LMO7: variants seen among roughly 807,000 people sequenced by gnomAD.
The protein encoded by LMO7 is LIM domain only protein 7.
A neutral mutation model predicts 206.5 loss-of-function variants in LMO7; 120 were observed. The ratio of observed to expected loss-of-function variants is 0.58; its 90% CI spans 0.50 to 0.68. The LOEUF (loss-of-function observed/expected upper bound fraction) is 0.68, where lower values mean the gene tolerates loss of function less well. Ranked by LOEUF, LMO7 falls within the 30% of genes least tolerant of loss-of-function variation. LMO7 has a pLI of 0.00. For synonymous variants in LMO7, 706 were observed against 681.5 expected, an observed-to-expected ratio of 1.04 and a Z score of -0.56; for missense variants, 1,959 against 1,957.9, an observed-to-expected ratio of 1.00 and a Z score of -0.01.
At chr13:75,852,299 G>C (rs1480937284) in intron 27 of LMO7, among the ~76,000 whole-genome samples, 1 of 152,164 alleles carries the variant, frequency 6.6e-6, no homozygotes, top group Non-Finnish European at 1.5e-5. Context: ...AGTACATATG[G>C]ATACAACGAA....
intron 25 of LMO7, 142 bp downstream of exon 25, chr13:75,843,058 A>G (rs1057381630): frequency 6.3e-6 from 4 of 637,788 alleles, no homozygotes; most frequent in African/African-American, 1.8e-5. Flanking sequence ...TGATCTTTGT[A>G]TCAGTTAGCT....
chr13:75,740,139 A>C (rs1023521272), intron 3 of LMO7, among the ~76,000 whole-genome samples: 1 of 152,248 alleles, frequency 6.6e-6, no homozygotes, highest in Non-Finnish European at 1.5e-5. Flanking sequence ...GATGAGTTAC[A>C]GGAATAAGCA....
At chr13:75,796,393 G>A (rs886928703) in intron 5 of LMO7, among the ~76,000 whole-genome samples, 7 of 152,140 alleles carry the variant, frequency 4.6e-5, no homozygotes, top group Non-Finnish European at 1.0e-4. Flanking sequence ...TAGAGTATAT[G>A]AATGACTACC....
Position 75,804,273 on chromosome 13 carries a change from T to C in LMO7, c.662-16T>C, listed in dbSNP as rs1159690203. On this transcript the variant is annotated splice_polypyrimidine_tract_variant and intron_variant, in intron 7 of 30. Coordinates refer to ENST00000377534, the MANE Select transcript of LMO7 (RefSeq NM_001306080.2). ...TAATCTGGAGAGTAAAGCAAATTCTTGTGCCTTCTTTATAGGTTTTGAAAG... is the reference window on the plus strand; with the variant it reads ...TAATCTGGAGAGTAAAGCAAATTCTCGTGCCTTCTTTATAGGTTTTGAAAG... The C allele has an allele frequency of 1.2e-6, 2 of 1,606,014 alleles. No individual in the cohort carries two copies. Among genetic ancestry groups the C allele is most frequent in the South Asian group, 1.1e-5 (1 of 90,602 alleles).
chr13:75,728,469 T>C (rs528691432), intron 3 of LMO7, among the ~76,000 whole-genome samples: 6,159 of 115,438 alleles, frequency 0.053, 434 homozygotes, highest in African/African-American at 0.21. Flanking sequence ...TTTGATGGGG[T>C]TGTTTGTTTT....
chr13:75,703,678 G>A (rs1594383864), intron 1 of LMO7, among the ~76,000 whole-genome samples: 1 of 152,032 alleles, frequency 6.6e-6, no homozygotes, highest in Non-Finnish European at 1.5e-5. Flanking sequence ...CAAGGAGTCT[G>A]GTACTTCCAT....
chr13:75,690,630 C>G (rs1028303663), intron 1 of LMO7, among the ~76,000 whole-genome samples: 1 of 152,202 alleles, frequency 6.6e-6, no homozygotes, highest in Non-Finnish European at 1.5e-5. Context: ...ACTCAACTCT[C>G]TCTCTCTACT....
chr13:75,671,935 C>T (rs2039619513), intron 1 of LMO7, among the ~76,000 whole-genome samples: 1 of 152,044 alleles, frequency 6.6e-6, no homozygotes, highest in Non-Finnish European at 1.5e-5. Context: ...TAAAAAAAAT[C>T]TTCAGAGGGC....
chr13:75,774,345 T>C (rs1221789008), intron 4 of LMO7, among the ~76,000 whole-genome samples: 2 of 152,120 alleles, frequency 1.3e-5, no homozygotes, highest in South Asian at 4.1e-4. Context: ...ATTTGCCTAC[T>C]TTTTTGAAAT....
At chr13:75,799,453 C>T (rs2054463236) in intron 6 of LMO7, among the ~76,000 whole-genome samples, 1 of 152,124 alleles carries the variant, frequency 6.6e-6, no homozygotes, top group African/African-American at 2.4e-5. Context: ...ATTTCTCCCC[C>T]AAATACTCAG....
At chr13:75,712,860 G>T (rs1239954170) in intron 1 of LMO7, among the ~76,000 whole-genome samples, 4 of 151,988 alleles carry the variant, frequency 2.6e-5, no homozygotes, top group Non-Finnish European at 4.4e-5. Context: ...TCACCCATAG[G>T]TTTTTAAAAA....
chr13:75,683,600 T>G (rs2040737087), intron 1 of LMO7, among the ~76,000 whole-genome samples: 1 of 152,200 alleles, frequency 6.6e-6, no homozygotes, highest in Non-Finnish European at 1.5e-5. Flanking sequence ...CAATATGAAG[T>G]GTGAACCCAA....
In LMO7 at chr13:75,735,229, T is replaced by A. The variant is rs114011889; in HGVS notation, c.210+8131T>A. 4.8e-3 allele frequency among the ~76,000 whole-genome samples: 730 copies of A among 152,140 alleles called. 7 individuals carry two copies. The highest frequency in any genetic ancestry group is 0.017 in the African/African-American group (689 of 41,468). ...ACTTCTCTAAAAATCATTCTCATGCTGTGACTCTACTTGTCCCACCCCCAC... is the reference window on the plus strand; with the variant it reads ...ACTTCTCTAAAAATCATTCTCATGCAGTGACTCTACTTGTCCCACCCCCAC... On this transcript the variant is annotated intron_variant, in intron 3 of 30. Coordinates refer to ENST00000377534, the MANE Select transcript of LMO7 (RefSeq NM_001306080.2).
At chr13:75,660,880 G>A (rs2038525623) in intron 1 of LMO7, among the ~76,000 whole-genome samples, 1 of 152,164 alleles carries the variant, frequency 6.6e-6, no homozygotes, top group South Asian at 2.1e-4. Flanking sequence ...CTTGTCATGA[G>A]TTTCAGGTAG....
chr13:75,788,838 G>A (rs566675087), intron 4 of LMO7: 4 of 152,636 alleles, frequency 2.6e-5, no homozygotes, highest in African/African-American at 9.6e-5. Context: ...GGCTGGAACT[G>A]ACTTTTGAAG....
At chr13:75,806,379 C>CT (rs2055467818) in intron 9 of LMO7, 2 of 278,224 alleles carry the variant, frequency 7.2e-6, no homozygotes. Context: ...ACCTGACTCA[C>CT]TTAGTGGACT....
chr13:75,661,728 T>C (rs1352530851), intron 1 of LMO7, among the ~76,000 whole-genome samples: 3 of 152,180 alleles, frequency 2.0e-5, no homozygotes, highest in Non-Finnish European at 4.4e-5. Flanking sequence ...TGGAAGCAGG[T>C]GTTCTTGCCC....
chr13:75,778,693 G>C (rs1042903902), intron 4 of LMO7, among the ~76,000 whole-genome samples: 1 of 152,162 alleles, frequency 6.6e-6, no homozygotes, highest in Non-Finnish European at 1.5e-5. Flanking sequence ...TTTAATTCTA[G>C]TTGGGTAAGG....
intron 1 of LMO7, among the ~76,000 whole-genome samples, chr13:75,691,998 C>T (rs2041522790): frequency 1.3e-5 from 2 of 152,112 alleles, no homozygotes; most frequent in Non-Finnish European, 2.9e-5. Flanking sequence ...TAGTAATTTC[C>T]TGGGGAGGCT....
Sources: gnomAD v4.1 joint callset for allele counts (sites outside exome capture counted in the v4.1 genomes callset) on GRCh38, gnomAD v4.1.1 for gene constraint, MANE v1.5 for transcripts, NCBI Gene and HGNC (gene_info 2026-07-23, HGNC 2026-07-21) for gene names.